IRF2: variants seen among roughly 807,000 people sequenced by gnomAD.
The protein encoded by IRF2 is interferon regulatory factor 2.
A neutral mutation model predicts 40.6 loss-of-function variants in IRF2; 15 were observed. The observed-to-expected ratio is 0.37, with a 90% CI of 0.25 to 0.57. IRF2 has a LOEUF of 0.57. Ranked by LOEUF, IRF2 falls within the 20% of genes least tolerant of loss-of-function variation. IRF2 has a pLI of 0.77. For missense variants in IRF2, 317 were observed against 455.7 expected (o/e 0.70, Z 2.77); for synonymous variants, 151 against 165.5 (o/e 0.91, Z 0.67).
intron 6 of IRF2, among the ~76,000 whole-genome samples, chr4:184,400,414 C>G (rs529446930): frequency 2.0e-5 from 3 of 152,108 alleles, no homozygotes; most frequent in African/African-American, 7.2e-5. Flanking sequence ...TTTTCAATTG[C>G]CGAGTAGTAT....
chr4:184,409,421 C>T (rs891957043), intron 5 of IRF2, among the ~76,000 whole-genome samples: 1 of 152,174 alleles, frequency 6.6e-6, no homozygotes, highest in Non-Finnish European at 1.5e-5. Context: ...ACTTCAAAGG[C>T]ATCACTCCAC....
At chr4:184,459,126 A>G (rs737405) in intron 1 of IRF2, among the ~76,000 whole-genome samples, 48,638 of 151,848 alleles carry the variant, frequency 0.32, 9,232 homozygotes, top group East Asian at 0.49. Flanking sequence ...CATGAGTCCC[A>G]AGCAGACAGA....
intron 1 of IRF2, among the ~76,000 whole-genome samples, chr4:184,442,222 T>G (rs1738338541): frequency 6.6e-6 from 1 of 152,132 alleles, no homozygotes; most frequent in Non-Finnish European, 1.5e-5. Context: ...ACATGCTGCG[T>G]TTCCTGGCCA....
At chr4:184,447,796 TGTCAAAAGTGTCAAGTTCATGGAA>T (rs1445956193) in intron 1 of IRF2, among the ~76,000 whole-genome samples, 1 of 152,214 alleles carries the variant, frequency 6.6e-6, no homozygotes, top group Admixed American at 6.5e-5. Flanking sequence ...GCCTTGTCAT[TGTCAAAAGTGTCAAGTTCATGGAA>T]GTCAAGGAAT....
intron 1 of IRF2, among the ~76,000 whole-genome samples, chr4:184,471,592 C>T (rs769397216): frequency 5.9e-5 from 9 of 152,066 alleles, no homozygotes; most frequent in Non-Finnish European, 8.8e-5. Context: ...CAGTTTTGTA[C>T]GAGATGATGT....
At chr4:184,433,806 C>G (rs793815) in intron 1 of IRF2, among the ~76,000 whole-genome samples, 74,645 of 152,032 alleles carry the variant, frequency 0.49, 18,482 homozygotes, top group East Asian at 0.56. Context: ...TAGTGCATTA[C>G]CAGTGCGCTT....
intron 6 of IRF2, among the ~76,000 whole-genome samples, chr4:184,406,027 AG>A (rs1736840938): frequency 6.6e-6 from 1 of 152,076 alleles, no homozygotes; most frequent in Admixed American, 6.6e-5. Flanking sequence ...TTGCGATGTA[AG>A]GGTTCACATC....
chr4:184,423,527 TACACAA>T (rs1243259306), intron 2 of IRF2, among the ~76,000 whole-genome samples: 1 of 152,136 alleles, frequency 6.6e-6, no homozygotes, highest in Non-Finnish European at 1.5e-5. Flanking sequence ...GCCTGATGTT[TACACAA>T]ACACAAGTCT....
intron 1 of IRF2, among the ~76,000 whole-genome samples, chr4:184,452,770 C>CAAAAAAAAAAAAAAAAAAA (rs530415114): frequency 2.8e-4 from 15 of 53,824 alleles, no homozygotes; most frequent in African/African-American, 1.1e-3. Flanking sequence ...GACCCTGTCT[C>CAAAAAAAAAAAAAAAAAAA]AAAAAAAAAA....
chr4:184,466,014 T>C (rs1242400071), intron 1 of IRF2, among the ~76,000 whole-genome samples: 3 of 152,080 alleles, frequency 2.0e-5, no homozygotes, highest in Non-Finnish European at 4.4e-5. Flanking sequence ...TACCCACTTA[T>C]GGAATTCATA....
At chr4:184,460,049 G>A (rs1291610605) in intron 1 of IRF2, among the ~76,000 whole-genome samples, 1 of 152,204 alleles carries the variant, frequency 6.6e-6, no homozygotes, top group Non-Finnish European at 1.5e-5. Flanking sequence ...TTATACCAAT[G>A]ATCACAGCAG....
intron 1 of IRF2, among the ~76,000 whole-genome samples, chr4:184,460,528 A>G (rs555592540): frequency 1.3e-5 from 2 of 152,314 alleles, no homozygotes; most frequent in African/African-American, 2.4e-5. Flanking sequence ...GCATTTATGA[A>G]TTCCCTACTT....
intron 6 of IRF2, among the ~76,000 whole-genome samples, chr4:184,399,483 C>T (rs1019190161): frequency 2.0e-5 from 3 of 152,220 alleles, no homozygotes; most frequent in Non-Finnish European, 2.9e-5. Flanking sequence ...CAAAAGAAGG[C>T]GCTGTGCTTA....
intron 2 of IRF2, among the ~76,000 whole-genome samples, chr4:184,425,805 C>T (rs1737647923): frequency 6.6e-6 from 1 of 152,188 alleles, no homozygotes; most frequent in Non-Finnish European, 1.5e-5. Context: ...GAAGAAAAGG[C>T]ATCTCAACTG....
At chr4:184,440,991 C>T (rs1460311868) in intron 1 of IRF2, among the ~76,000 whole-genome samples, 2 of 152,222 alleles carry the variant, frequency 1.3e-5, no homozygotes, top group Non-Finnish European at 2.9e-5. Context: ...GGAAACGTCT[C>T]GCCATACCTT....
At chr4:184,407,362 A>C (rs906785079) in intron 6 of IRF2, 2 of 669,140 alleles carry the variant, frequency 3.0e-6, no homozygotes, top group Non-Finnish European at 4.4e-6. Context: ...TCTTTTGGGC[A>C]CTATTCCTGT....
intron 7 of IRF2, among the ~76,000 whole-genome samples, chr4:184,398,455 G>A (rs980220223): frequency 1.3e-5 from 2 of 151,978 alleles, no homozygotes; most frequent in Non-Finnish European, 2.9e-5. Flanking sequence ...TCAGGAGCTC[G>A]AGACCAGCCT....
chr4:184,398,853 C>T (rs1187723312), intron 7 of IRF2, 62 bp downstream of exon 7: 15 of 1,488,752 alleles, frequency 1.0e-5, no homozygotes, highest in Non-Finnish European at 1.3e-5. Context: ...GATGGGTGAC[C>T]CTAGACCAAA....
rs1308453743 is a variant in IRF2, at chr4:184,388,426, T to C, written c.*332A>G. 3.4e-6 allele frequency: 1 copy of C among 291,572 alleles called. No homozygotes were observed. Among genetic ancestry groups the C allele is most frequent in the African/African-American group, 2.2e-5 (1 of 44,512 alleles). The allele number at this position is 291,572 out of a possible 1,614,324, so 18.1% of individuals were successfully genotyped here. On this transcript the variant is annotated 3_prime_UTR_variant, in exon 9 of 9. Transcript: ENST00000393593. This position sits in a 1 kb window ranked among gnomAD's most constrained non-coding sequence, Gnocchi z 4.6. ...AATAAAAAATTCCAGCTAGTTCACA[T>C]TATCTCGTCCGTTCTGAGGCATCCA...
Sources: allele counts gnomAD v4.1 joint callset (sites outside exome capture counted in the v4.1 genomes callset), GRCh38; gene constraint gnomAD v4.1.1; non-coding constraint Gnocchi (gnomAD v3.1); transcripts MANE v1.5; gene names NCBI Gene and HGNC (gene_info 2026-07-23, HGNC 2026-07-21).